RASA1: variants seen among roughly 807,000 people sequenced by gnomAD.
The protein encoded by RASA1 is ras GTPase-activating protein 1.
A neutral mutation model predicts 132.2 loss-of-function variants in RASA1; 25 were observed. The observed-to-expected ratio is 0.19, with a 90% CI of 0.14 to 0.26. The LOEUF (loss-of-function observed/expected upper bound fraction) is 0.26, where lower values mean the gene tolerates loss of function less well. Ranked by LOEUF, RASA1 falls within the 10% of genes least tolerant of loss-of-function variation. The pLI, the probability that RASA1 is intolerant of heterozygous loss-of-function variation, is 1.00. For missense variants in RASA1, 964 were observed against 1,299.2 expected, an observed-to-expected ratio of 0.74 and a Z score of 3.97; for synonymous variants, 477 against 449.9, an observed-to-expected ratio of 1.06 and a Z score of -0.76.
intron 8 of RASA1, among the ~76,000 whole-genome samples, chr5:87,351,381 A>C (rs1189361348): frequency 6.6e-6 from 1 of 151,794 alleles, no homozygotes; most frequent in African/African-American, 2.4e-5. Flanking sequence ...GGGGATATAT[A>C]AATGCATGGG....
chr5:87,312,411 G>C (rs562062530), intron 1 of RASA1, among the ~76,000 whole-genome samples: 1 of 152,252 alleles, frequency 6.6e-6, no homozygotes, highest in African/African-American at 2.4e-5. Flanking sequence ...TATGTTATCT[G>C]TATTAACAGT....
chr5:87,301,702 A>C (rs1755372217), intron 1 of RASA1, among the ~76,000 whole-genome samples: 1 of 152,154 alleles, frequency 6.6e-6, no homozygotes. Flanking sequence ...TCTGAAATCC[A>C]GATATTCCAA....
intron 1 of RASA1, among the ~76,000 whole-genome samples, chr5:87,325,099 CAATCA>C (rs1317343641): frequency 1.3e-5 from 2 of 152,048 alleles, no homozygotes; most frequent in Non-Finnish European, 2.9e-5. Flanking sequence ...AGGAAACTTA[CAATCA>C]TGGCGGAAGG....
chr5:87,296,999 C>T (rs1216160324), intron 1 of RASA1, among the ~76,000 whole-genome samples: 2 of 151,808 alleles, frequency 1.3e-5, no homozygotes, highest in African/African-American at 4.8e-5. Flanking sequence ...GAAGTAGTTT[C>T]TGTTGTTAGA....
At chr5:87,289,752 A>G (rs1754832913) in intron 1 of RASA1, among the ~76,000 whole-genome samples, 1 of 152,164 alleles carries the variant, frequency 6.6e-6, no homozygotes, top group African/African-American at 2.4e-5. Context: ...CTAAGACTAC[A>G]GATGCATGCC....
At chr5:87,269,340 T>C (rs964707867) in intron 1 of RASA1, 1 of 1,522,818 alleles carries the variant, frequency 6.6e-7, no homozygotes, top group Admixed American at 2.0e-5. Flanking sequence ...TCATAGTGTA[T>C]ATTAACTTGT....
At position 87,379,809 on chromosome 5, in the gene RASA1, G is replaced by A. The variant is rs1055788467; in HGVS notation, c.2562G>A (p.Glu854=). The A allele has an allele frequency of 6.2e-7, 1 of 1,612,908 alleles. No homozygotes were observed. The change falls in exon 19 of 25, where the codon GAG becomes GAA. Residue 854 remains glutamate, a synonymous_variant. Coordinates refer to ENST00000274376, the MANE Select transcript of RASA1 (RefSeq NM_002890.3). ...NLTHLLNILS[E]LVEKIFMASE... is the part of the protein sequence containing the mutation. ...CACACCTATTGAACATACTTTCAGA[G>A]CTTGTGGAGAAAATATTCATGGCTT...
intron 1 of RASA1, among the ~76,000 whole-genome samples, chr5:87,287,576 A>ACCATATATATACACCATACATATACACG (rs1561257136): frequency 2.7e-5 from 4 of 146,112 alleles, no homozygotes; most frequent in Admixed American, 6.8e-5. Context: ...ACATATACAC[A>ACCATATATATACACCATACATATACACG]CCATATATAT....
chr5:87,324,505 G>A (rs1757070789), intron 1 of RASA1, among the ~76,000 whole-genome samples: 1 of 152,150 alleles, frequency 6.6e-6, no homozygotes, highest in Admixed American at 6.6e-5. Context: ...CAGAGTGTAT[G>A]ATAGTGCTGT....
At chr5:87,278,402 A>G (rs10066843) in intron 1 of RASA1, among the ~76,000 whole-genome samples, 18,754 of 151,576 alleles carry the variant, frequency 0.12, 1,479 homozygotes, top group South Asian at 0.25. Flanking sequence ...AAAAAAAAAA[A>G]AAATTAGCTG....
intron 1 of RASA1, among the ~76,000 whole-genome samples, chr5:87,293,040 T>A (rs898291105): frequency 2.0e-5 from 3 of 152,182 alleles, no homozygotes; most frequent in African/African-American, 2.4e-5. Flanking sequence ...TAGACAATCC[T>A]GTCATCTGAG....
At chr5:87,385,880 C>A (rs930001974) in intron 22 of RASA1, among the ~76,000 whole-genome samples, 6 of 151,986 alleles carry the variant, frequency 3.9e-5, no homozygotes, top group Non-Finnish European at 7.4e-5. Flanking sequence ...TTTCACTATT[C>A]TTAATAATGG....
rs991774536 is a variant in RASA1, at chr5:87,330,914, A to G, written c.540-434A>G. ...CGCAGGGCACAAACACTAAAATGGAATAAAACATTTTATATTCTCATAGGT... is the reference window on the plus strand; with the variant it reads ...CGCAGGGCACAAACACTAAAATGGAGTAAAACATTTTATATTCTCATAGGT... On this transcript the variant is annotated intron_variant, in intron 1 of 24. Coordinates refer to ENST00000274376, the MANE Select transcript of RASA1 (RefSeq NM_002890.3). 5 of 1,367,770 alleles carry G rather than the reference A, an allele frequency of 3.7e-6. No individual in the cohort carries two copies. The East Asian group carries it at 1.3e-4, about 36-fold the overall frequency. The allele number at this position is 1,367,770 out of a possible 1,614,324, so 84.7% of individuals were successfully genotyped here. A position where few individuals can be genotyped will look rare whatever the true frequency, so the allele number is the denominator to read the frequency against.
chr5:87,274,149 T>C (rs1753968541), intron 1 of RASA1, among the ~76,000 whole-genome samples: 1 of 152,164 alleles, frequency 6.6e-6, no homozygotes. Context: ...AGGTCTCCAT[T>C]TGCAGTCTCC....
In RASA1 at chr5:87,391,402, T is replaced by C; in HGVS notation, c.*519T>C. 4.0e-6 allele frequency: 1 copy of C among 251,862 alleles called. No homozygotes were observed. Among genetic ancestry groups the C allele is most frequent in the East Asian group, 5.6e-5 (1 of 17,824 alleles). The allele number at this position is 251,862 out of a possible 1,614,324, so 15.6% of individuals were successfully genotyped here. A position where few individuals can be genotyped will look rare whatever the true frequency, so the allele number is the denominator to read the frequency against. On this transcript the variant is annotated 3_prime_UTR_variant, in exon 25 of 25. Transcript: ENST00000274376. ...ATTTACAGTTTCCAGAGTTTGTCAT[T>C]ATAATAGGAACAATCTTTGCTGTAT...
rs1413047633 is a variant in RASA1 at position 87,332,360 on chromosome 5, GATA to G, written c.693-146_693-144del. ...GCCCCAAGTAATTTACTGTGATGAA[GATA>G]CTAATAAGTGGTATTTTAGTATAAG... On this transcript the variant is annotated intron_variant, in intron 2 of 24. Transcript: ENST00000274376. 3.9e-6 allele frequency: 3 copies of G among 759,944 alleles called. No individual in the cohort carries two copies. In the African/African-American group the frequency reaches 5.3e-5, roughly 13 times the overall value. 47.1% of individuals were successfully genotyped at this position (759,944 alleles called of 1,614,324 possible).
At chr5:87,302,451 A>C (rs1470906725) in intron 1 of RASA1, among the ~76,000 whole-genome samples, 1 of 149,788 alleles carries the variant, frequency 6.7e-6, no homozygotes, top group Non-Finnish European at 1.5e-5. Context: ...CTTGGCTATG[A>C]GTCTTTTGAT....
At chr5:87,270,752 C>T (rs1422620713) in intron 1 of RASA1, among the ~76,000 whole-genome samples, 1 of 141,484 alleles carries the variant, frequency 7.1e-6, no homozygotes, top group African/African-American at 2.6e-5. Context: ...TACCCTAATC[C>T]ATTTTTGACT....
intron 2 of RASA1, 36 bp from the exon 3 acceptor site, chr5:87,332,471 G>A: frequency 1.9e-6 from 3 of 1,573,392 alleles, no homozygotes; most frequent in African/African-American, 1.4e-5. Context: ...TGGCTGTAAA[G>A]ATTTTTTTAT....
Sources: gnomAD v4.1 joint callset for allele counts (sites outside exome capture counted in the v4.1 genomes callset) on GRCh38, gnomAD v4.1.1 for gene constraint, MANE v1.5 for transcripts, NCBI Gene and HGNC (gene_info 2026-07-23, HGNC 2026-07-21) for gene names.